The following RB1 variants were observed in gnomAD, a reference collection of about 807,000 sequenced individuals.
RB1 encodes the protein RB transcriptional corepressor 1.
Under a neutral mutation model 135.4 loss-of-function variants are expected in RB1, and 18 were observed. The ratio of observed to expected loss-of-function variants is 0.13; its 90% CI spans 0.09 to 0.20. The LOEUF (loss-of-function observed/expected upper bound fraction) is 0.20, where lower values mean the gene tolerates loss of function less well. Among genes scored for constraint, RB1 ranks in the 10% least tolerant of loss-of-function variants. RB1 has a pLI of 1.00. For missense variants in RB1, 868 were observed against 1,110.0 expected, an observed-to-expected ratio of 0.78 and a Z score of 3.10; for synonymous variants, 365 against 373.2, an observed-to-expected ratio of 0.98 and a Z score of 0.25.
intron 17 of RB1, among the ~76,000 whole-genome samples, chr13:48,430,897 T>TG (rs1305276621): frequency 6.6e-6 from 1 of 152,154 alleles, no homozygotes; most frequent in Non-Finnish European, 1.5e-5. Context: ...TACTTCAGCC[T>TG]GGGTGACAGC....
At chr13:48,473,817 G>A (rs1163206399) in intron 24 of RB1, among the ~76,000 whole-genome samples, 1 of 152,022 alleles carries the variant, frequency 6.6e-6, no homozygotes, top group East Asian at 1.9e-4. Flanking sequence ...ACAGGTTCAA[G>A]GGCTCAGTCC....
In RB1 at chr13:48,314,666, T is replaced by C. The variant is rs904180543; in HGVS notation, c.264+7260T>C. 8.0e-4 allele frequency among the ~76,000 whole-genome samples: 121 copies of C among 151,938 alleles called. 1 individual carries two copies. The highest frequency in any genetic ancestry group is 8.4e-4 in the Non-Finnish European group (57 of 67,998). On this transcript the variant is annotated intron_variant, in intron 2 of 26. Coordinates refer to ENST00000267163, the MANE Select transcript of RB1 (RefSeq NM_000321.3). ...AATACAAAAAATTAGCTGGGTGTGG[T>C]GGCATGCGCCTGTAGTCCCAGCTAC...
chr13:48,399,536 G>A (rs143307615), intron 17 of RB1, among the ~76,000 whole-genome samples: 2 of 151,898 alleles, frequency 1.3e-5, no homozygotes, highest in Non-Finnish European at 1.5e-5. Flanking sequence ...AAAGATCTAG[G>A]AATATAAGCT....
At chr13:48,459,040 G>A (rs1318655534) in intron 19 of RB1, among the ~76,000 whole-genome samples, 2 of 150,150 alleles carry the variant, frequency 1.3e-5, no homozygotes, top group African/African-American at 2.5e-5. Flanking sequence ...ATGACCAGTG[G>A]TGAGTGATTA....
intron 2 of RB1, chr13:48,333,357 A>C: frequency 3.3e-6 from 1 of 302,980 alleles, no homozygotes; most frequent in Non-Finnish European, 6.0e-6. Context: ...TGTTTCCAAG[A>C]GTAGTAGATA....
chr13:48,395,368 G>A (rs911194861), intron 17 of RB1, among the ~76,000 whole-genome samples: 2 of 152,100 alleles, frequency 1.3e-5, no homozygotes, highest in African/African-American at 4.8e-5. Flanking sequence ...CTCCTCCCCA[G>A]CAAGGGGAGT....
intron 13 of RB1, among the ~76,000 whole-genome samples, chr13:48,377,624 TG>T (rs1456022260): frequency 6.6e-6 from 1 of 152,234 alleles, no homozygotes; most frequent in Non-Finnish European, 1.5e-5. Context: ...TGGAGTCCAC[TG>T]TACACATTTA....
chr13:48,307,699 C>CAA lies in RB1; in HGVS notation c.264+309_264+310dup, dbSNP rs11452683. Among the ~76,000 whole-genome samples the CAA allele has an allele frequency of 7.4e-3, 955 of 129,656 alleles. 13 individuals carry two copies. Among genetic ancestry groups the CAA allele is most frequent in the African/African-American group, 0.021 (738 of 34,558 alleles). 85.1% of individuals were successfully genotyped at this position (129,656 alleles called of 152,430 possible). On this transcript the variant is annotated intron_variant, in intron 2 of 26. Transcript: ENST00000267163. Reference sequence around the variant, plus strand: ...GTGAAACCCTGTCTCTACTAAAATACAAAAAAAAAAAAAAAAATTAGCAGG... The same window carrying CAA: ...GTGAAACCCTGTCTCTACTAAAATACAAAAAAAAAAAAAAAAAAATTAGCAGG...
chr13:48,318,642 T>C, intron 2 of RB1: 1 of 608,626 alleles, frequency 1.6e-6, no homozygotes, highest in Non-Finnish European at 3.0e-6. Context: ...GCCACCATCT[T>C]TCACCACCTC....
In RB1 at chr13:48,345,120, A is replaced by G. The variant is rs1322130234; in HGVS notation, c.421A>G (p.Ser141Gly). ...TAACTTACTAAAAGAAATTGATACC[A>G]GTACCAAAGTTGATAATGCTATGTC... ...FFNLLKEIDT[S>G]TKVDNAMSRL... Residue 141 changes from serine to glycine, a missense_variant, in exon 4 of 27, where the codon AGT becomes GGT. Physicochemically the swap from Ser to Gly is moderately conservative, Grantham distance 56 (BLOSUM62 0). Around this residue, in one of 3 missense-constraint regions of RB1, gnomAD observed 641 missense variants for 791.3 expected, o/e 0.81. Coordinates refer to ENST00000267163, the MANE Select transcript of RB1 (RefSeq NM_000321.3). The G allele has an allele frequency of 3.1e-6, 5 of 1,612,952 alleles. No individual in the cohort carries two copies. The highest frequency in any genetic ancestry group is 4.2e-6 in the Non-Finnish European group (5 of 1,179,534).
At chr13:48,433,524 G>C (rs1156741646) in intron 17 of RB1, among the ~76,000 whole-genome samples, 1 of 152,004 alleles carries the variant, frequency 6.6e-6, no homozygotes, top group African/African-American at 2.4e-5. Flanking sequence ...GAGAATTTCT[G>C]CCACTAAATA....
rs1307585922 is a variant in RB1, at chr13:48,320,309, G to C, written c.264+12903G>C. 1.9e-5 allele frequency: 24 copies of C among 1,231,132 alleles called. No homozygotes were observed. The East Asian group carries it at 5.6e-4, about 29-fold the overall frequency. The allele number at this position is 1,231,132 out of a possible 1,614,324, so 76.3% of individuals were successfully genotyped here. On this transcript the variant is annotated intron_variant, in intron 2 of 26. Transcript: ENST00000267163. ...GTGGTGCCCCGAGCAACCCCGCTGC[G>C]CTGCAGCGTGCTGATGAGCATCTGC... is the stretch of plus-strand genomic sequence containing the variant.
At chr13:48,365,745 A>T (rs1332190598) in intron 9 of RB1, among the ~76,000 whole-genome samples, 1 of 152,172 alleles carries the variant, frequency 6.6e-6, no homozygotes. Flanking sequence ...TATTTTTTGA[A>T]TGCTTAATAT....
Position 48,480,152 on chromosome 13 carries a change from G to A in RB1, c.*81G>A, listed in dbSNP as rs1384617226. 3.2e-6 allele frequency: 4 copies of A among 1,251,560 alleles called. No individual in the cohort carries two copies. In the East Asian group the frequency reaches 9.8e-5, roughly 31 times the overall value. 77.5% of individuals were successfully genotyped at this position (1,251,560 alleles called of 1,614,324 possible). On this transcript the variant is annotated 3_prime_UTR_variant, in exon 27 of 27. Coordinates refer to ENST00000267163, the MANE Select transcript of RB1 (RefSeq NM_000321.3). ...AGATGTGACTGTATAACTTTCCCAG[G>A]TTCTGTTTATGGCCACATTTAATAT...
intron 17 of RB1, among the ~76,000 whole-genome samples, chr13:48,385,110 G>A (rs984822228): frequency 1.3e-5 from 2 of 152,168 alleles, no homozygotes; most frequent in African/African-American, 2.4e-5. Flanking sequence ...ATAAATCAAA[G>A]TATGTCAGAT....
intron 17 of RB1, among the ~76,000 whole-genome samples, chr13:48,422,093 A>AATATTAT (rs1949014660): frequency 1.3e-5 from 2 of 152,228 alleles, no homozygotes; most frequent in Admixed American, 6.5e-5. Flanking sequence ...CAGTATTTAC[A>AATATTAT]ATAGCAAAGA....
chr13:48,479,977 A>C (rs1427600067), intron 26 of RB1, 21 bp from the exon 27 acceptor site: 4 of 1,605,318 alleles, frequency 2.5e-6, no homozygotes, highest in African/African-American at 1.3e-5. Flanking sequence ...TGCTGTTAAC[A>C]GTTCTTCATC....
At chr13:48,315,758 C>T (rs183225900) in intron 2 of RB1, among the ~76,000 whole-genome samples, 22 of 152,326 alleles carry the variant, frequency 1.4e-4, no homozygotes, top group African/African-American at 4.6e-4. Context: ...GGCTGATGGG[C>T]ACTTCAGTTG....
At chr13:48,414,910 G>T (rs1052830002) in intron 17 of RB1, among the ~76,000 whole-genome samples, 2 of 152,088 alleles carry the variant, frequency 1.3e-5, no homozygotes, top group Non-Finnish European at 2.9e-5. Flanking sequence ...GAAGCTGAGT[G>T]AGCATTAATG....
Sources: allele counts gnomAD v4.1 joint callset (sites outside exome capture counted in the v4.1 genomes callset), GRCh38; gene constraint gnomAD v4.1.1; regional missense constraint gnomAD v4.1.1; transcripts MANE v1.5; gene names NCBI Gene and HGNC (gene_info 2026-07-23, HGNC 2026-07-21).